LAMC2: variants seen among roughly 807,000 people sequenced by gnomAD.
LAMC2 encodes the protein laminin subunit gamma-2.
In LAMC2, 97 loss-of-function variants were observed where a neutral mutation model predicts 140.2. The observed-to-expected ratio is 0.69, with a 90% CI of 0.59 to 0.82. LAMC2 has a LOEUF of 0.82. Among genes scored for constraint, LAMC2 ranks in the 40% least tolerant of loss-of-function variants. The pLI is 0.00. For missense variants in LAMC2, 1,402 were observed against 1,476.1 expected (o/e 0.95, Z 0.82); for synonymous variants, 513 against 540.2 (o/e 0.95, Z 0.70).
chr1:183,190,917 A>T (rs1381561943), intron 1 of LAMC2, among the ~76,000 whole-genome samples: 2 of 152,234 alleles, frequency 1.3e-5, no homozygotes, highest in African/African-American at 2.4e-5. Context: ...AACATTTAAA[A>T]GATAGACAAA....
chr1:183,234,382 G>C lies in LAMC2; in HGVS notation c.2236G>C (p.Asp746His). The C allele has an allele frequency of 6.2e-7, 1 of 1,614,044 alleles. No individual in the cohort carries two copies. The highest frequency in any genetic ancestry group is 1.1e-5 in the South Asian group (1 of 91,058). The change falls in exon 15 of 23, where the codon GAC (aspartate) becomes CAC (histidine). Residue 746 changes from aspartate to histidine, a missense_variant. This residue lies in a region of LAMC2 where 670 missense variants were observed against 667.2 expected (regional missense o/e 1.00). Coordinates refer to ENST00000264144, the MANE Select transcript of LAMC2 (RefSeq NM_005562.3). ...TTTCCCACAGAACATTCCTGCCTCA[G>C]ACCACTACGTGGGGCCAAATGGCTT... is the stretch of plus-strand genomic sequence containing the variant. Reference protein sequence around the residue: ...SLGNTNIPASDHYVGPNGFKS... With the variant: ...SLGNTNIPASHHYVGPNGFKS...
chr1:183,255,172 T>A, the LAMC2 span, among the ~76,000 whole-genome samples: 6 of 152,212 alleles, frequency 3.9e-5, no homozygotes, highest in African/African-American at 1.4e-4. Flanking sequence ...TTGAAGAGAC[T>A]GTCCTCTCTT....
At chr1:183,214,193 C>T (rs1659174572) in intron 2 of LAMC2, among the ~76,000 whole-genome samples, 1 of 152,142 alleles carries the variant, frequency 6.6e-6, no homozygotes, top group Non-Finnish European at 1.5e-5. Context: ...GGCATATACA[C>T]ATTAGTTGAA....
chr1:183,245,966 G>C (rs1371474573), downstream of LAMC2, among the ~76,000 whole-genome samples: 1 of 152,172 alleles, frequency 6.6e-6, no homozygotes, highest in Non-Finnish European at 1.5e-5. Flanking sequence ...TCAAGAGATT[G>C]AGACCATCCT....
rs1194792065 is a variant in LAMC2 at position 183,239,548 on chromosome 1, C to T, written c.3054C>T (p.Ser1018=). 9 of 1,613,564 alleles carry T rather than the reference C, an allele frequency of 5.6e-6. No homozygotes were observed. The highest frequency in any genetic ancestry group is 2.2e-5 in the East Asian group (1 of 44,876). Residue 1018 remains serine, a synonymous_variant, in exon 20 of 23, where the codon TCC becomes TCT. Transcript: ENST00000264144. ...KNGAGEALEI[S]SEIEQEIGSL... ...GGGCCGGGGAGGCCCTGGAAATCTC[C>T]AGTGAGATTGAACAGGTAAAGAGAA...
intron 8 of LAMC2, among the ~76,000 whole-genome samples, chr1:183,226,296 C>T (rs1246373137): frequency 2.6e-5 from 4 of 152,026 alleles, no homozygotes; most frequent in East Asian, 3.8e-4. Flanking sequence ...TAAATAAAGT[C>T]GGAAGCAGAA....
At chr1:183,229,013 G>A (rs1439420276) in intron 11 of LAMC2, among the ~76,000 whole-genome samples, 1 of 152,182 alleles carries the variant, frequency 6.6e-6, no homozygotes, top group Non-Finnish European at 1.5e-5. Flanking sequence ...CAAGTGGGAA[G>A]GGGAGTGGGC....
chr1:183,210,385 G>A (rs532236944), intron 2 of LAMC2, among the ~76,000 whole-genome samples: 1 of 152,288 alleles, frequency 6.6e-6, no homozygotes, highest in South Asian at 2.1e-4. Context: ...GGATCCTGTG[G>A]AGATAAAATG....
At chr1:183,202,382 T>C (rs1658737136) in intron 1 of LAMC2, among the ~76,000 whole-genome samples, 1 of 152,064 alleles carries the variant, frequency 6.6e-6, no homozygotes, top group African/African-American at 2.4e-5. Context: ...ATACATCTCA[T>C]TGACCAAGGA....
the LAMC2 span, among the ~76,000 whole-genome samples, chr1:183,254,204 A>G: frequency 6.6e-6 from 1 of 152,112 alleles, no homozygotes; most frequent in Non-Finnish European, 1.5e-5. Flanking sequence ...ATTCCCACCA[A>G]CAGTGTACAA....
At chr1:183,218,356 G>A in intron 3 of LAMC2, 34 bp from the exon 4 acceptor site, 1 of 1,491,808 alleles carries the variant, frequency 6.7e-7, no homozygotes, top group Non-Finnish European at 9.4e-7. Context: ...GCATTTGGAA[G>A]CATGTCCCTA....
At chr1:183,241,957 C>G (rs1419662992) in intron 22 of LAMC2, among the ~76,000 whole-genome samples, 26 of 151,956 alleles carry the variant, frequency 1.7e-4, no homozygotes, top group Admixed American at 1.7e-3. Flanking sequence ...TACTATGTGT[C>G]AGATGTTTTC....
At position 183,235,675 on chromosome 1, in the gene LAMC2, G is replaced by A; in HGVS notation, c.2401G>A (p.Val801Ile). 6.2e-7 allele frequency: 1 copy of A among 1,614,240 alleles called. No individual in the cohort carries two copies. The highest frequency in any genetic ancestry group is 8.5e-7 in the Non-Finnish European group (1 of 1,180,024). Residue 801 changes from valine to isoleucine, a missense_variant, in exon 16 of 23, where the codon GTC (valine) becomes ATC (isoleucine). Physicochemically the swap from Val to Ile is conservative, Grantham distance 29. Transcript: ENST00000264144. ...SLVRKALHEG[V>I]GSGSGSPDGA... ...GGTGCGCAAGGCCCTGCATGAAGGA[G>A]TCGGAAGCGGAAGCGGTAGCCCGGA...
intron 2 of LAMC2, among the ~76,000 whole-genome samples, chr1:183,209,446 C>T (rs1275915855): frequency 1.3e-5 from 2 of 152,122 alleles, no homozygotes; most frequent in African/African-American, 4.8e-5. Context: ...GCAGCAGTCA[C>T]CCCCCAAATT....
chr1:183,240,404 A>C lies in LAMC2; in HGVS notation c.3328+13A>C. The C allele has an allele frequency of 6.2e-7, 1 of 1,614,064 alleles. No individual in the cohort carries two copies. Among genetic ancestry groups the C allele is most frequent in the Non-Finnish European group, 8.5e-7 (1 of 1,179,932 alleles). ...CTGCATCTGATGGGTATGTGAACCC[A>C]CAACCCACAACCTTCCAGCTCCATG... On this transcript the variant is annotated intron_variant, in intron 22 of 22. Transcript: ENST00000264144.
At chr1:183,245,905 C>T (rs1438661168), downstream of LAMC2, among the ~76,000 whole-genome samples, 4 of 152,194 alleles carry the variant, frequency 2.6e-5, no homozygotes, top group African/African-American at 9.6e-5. Flanking sequence ...CGCGGTGGCT[C>T]ATGCCGGTAA....
intron 11 of LAMC2, among the ~76,000 whole-genome samples, chr1:183,229,286 C>T (rs1408677438): frequency 6.6e-6 from 1 of 152,130 alleles, no homozygotes; most frequent in East Asian, 1.9e-4. Flanking sequence ...CCCTCAGTCC[C>T]AGGCTGACCT....
At chr1:183,254,516 G>A in the LAMC2 span, among the ~76,000 whole-genome samples, 1 of 152,090 alleles carries the variant, frequency 6.6e-6, no homozygotes, top group Non-Finnish European at 1.5e-5. Flanking sequence ...TGGCTCACTG[G>A]AGCCTCAAAC....
intron 1 of LAMC2, among the ~76,000 whole-genome samples, chr1:183,187,298 T>C (rs1658183762): frequency 6.6e-6 from 1 of 152,264 alleles, no homozygotes; most frequent in Non-Finnish European, 1.5e-5. Flanking sequence ...AATGCTCACA[T>C]GCACATGCAA....
Sources: allele counts gnomAD v4.1 joint callset (sites outside exome capture counted in the v4.1 genomes callset), GRCh38; gene constraint gnomAD v4.1.1; regional missense constraint gnomAD v4.1.1; transcripts MANE v1.5; gene names NCBI Gene and HGNC (gene_info 2026-07-23, HGNC 2026-07-21).